The following SLC9A8 variants were observed in gnomAD, a reference collection of about 807,000 sequenced individuals.
SLC9A8 encodes solute carrier family 9 member A8.
Under a neutral mutation model 66.6 loss-of-function variants are expected in SLC9A8, and 48 were observed. The observed-to-expected ratio is 0.72, with a 90% CI of 0.57 to 0.92. SLC9A8 has a LOEUF of 0.92. Among genes scored for constraint, SLC9A8 ranks in the 40% least tolerant of loss-of-function variants. The probability of loss-of-function intolerance (pLI) is 0.00; values close to 1 mark genes in which losing one functional copy is unlikely to be tolerated. For missense variants in SLC9A8, 599 were observed against 747.3 expected, an observed-to-expected ratio of 0.80 and a Z score of 2.31; for synonymous variants, 274 against 282.6, an observed-to-expected ratio of 0.97 and a Z score of 0.31.
At chr20:49,819,966 C>T (rs2146453043) in intron 2 of SLC9A8, among the ~76,000 whole-genome samples, 2 of 152,196 alleles carry the variant, frequency 1.3e-5, no homozygotes, top group African/African-American at 4.8e-5. Context: ...TTGTTTCTAC[C>T]TTTTGGCTGT....
At chr20:49,861,341 C>T (rs540605104) in intron 8 of SLC9A8, among the ~76,000 whole-genome samples, 2 of 152,196 alleles carry the variant, frequency 1.3e-5, no homozygotes, top group African/African-American at 2.4e-5. Flanking sequence ...CCCAGGAGTT[C>T]GAGACCAGCC....
chr20:49,824,316 T>G (rs4809758), intron 3 of SLC9A8, among the ~76,000 whole-genome samples: 65,700 of 152,134 alleles, frequency 0.43, 15,084 homozygotes, highest in African/African-American at 0.58. Flanking sequence ...TCTTGGTAGA[T>G]TCTAACAACC....
At chr20:49,855,891 A>G (rs1388233100) in intron 8 of SLC9A8, among the ~76,000 whole-genome samples, 2 of 152,094 alleles carry the variant, frequency 1.3e-5, no homozygotes, top group East Asian at 1.9e-4. Context: ...CCTGGGTTCA[A>G]CTGATCTCCC....
rs1397111370 is a variant in SLC9A8 at position 49,812,881 on chromosome 20, G to A, written c.-42G>A. On this transcript the variant is annotated 5_prime_UTR_variant, in exon 1 of 16. Coordinates refer to ENST00000361573, the MANE Select transcript of SLC9A8 (RefSeq NM_015266.3). ...CCGGAAGCAAAAGCGGGTCCTGCTA[G>A]CCCCGCGGCTCCGAACTCGGTGGTC... 2.0e-5 allele frequency: 30 copies of A among 1,496,104 alleles called. No individual in the cohort carries two copies. The East Asian group carries it at 8.1e-4, about 40-fold the overall frequency. 92.7% of individuals were successfully genotyped at this position (1,496,104 alleles called of 1,614,324 possible). A position where few individuals can be genotyped will look rare whatever the true frequency, so the allele number is the denominator to read the frequency against.
intron 10 of SLC9A8, among the ~76,000 whole-genome samples, chr20:49,874,057 C>A (rs1288410657): frequency 6.6e-6 from 1 of 152,120 alleles, no homozygotes; most frequent in African/African-American, 2.4e-5. Context: ...TGAGACCAGC[C>A]TGGCCAACAT....
intron 14 of SLC9A8, among the ~76,000 whole-genome samples, chr20:49,884,336 ACCCCCCGGT>A (rs2089809720): frequency 9.2e-6 from 1 of 108,476 alleles, no homozygotes; most frequent in Non-Finnish European, 1.9e-5. Context: ...ACACACACAC[ACCCCCCGGT>A]CATCCCCCCT....
At chr20:49,831,421 CTCTCTCTCTCTG>C (rs2087188282) in intron 3 of SLC9A8, among the ~76,000 whole-genome samples, 2 of 150,804 alleles carry the variant, frequency 1.3e-5, no homozygotes, top group Admixed American at 1.3e-4. Flanking sequence ...CTCTCTCTCT[CTCTCTCTCTCTG>C]TCTCTCTCTC....
chr20:49,861,478 G>C (rs1223549769), intron 8 of SLC9A8, among the ~76,000 whole-genome samples: 5 of 152,160 alleles, frequency 3.3e-5, no homozygotes, highest in African/African-American at 9.7e-5. Flanking sequence ...GGGAAGCAGA[G>C]GTTGCAGTGA....
intron 2 of SLC9A8, among the ~76,000 whole-genome samples, chr20:49,821,575 GGTGACCA>G (rs1350415625): frequency 6.6e-6 from 1 of 151,994 alleles, no homozygotes; most frequent in Non-Finnish European, 1.5e-5. Context: ...AGCCTCTGAG[GGTGACCA>G]GTTAACAGGC....
intron 8 of SLC9A8, among the ~76,000 whole-genome samples, chr20:49,856,838 A>T (rs540082374): frequency 3.8e-4 from 58 of 151,542 alleles, no homozygotes; most frequent in East Asian, 1.2e-3. Flanking sequence ...AAAAAAAAAA[A>T]TTTTAGCTGG....
At chr20:49,869,975 A>G (rs925309947) in intron 10 of SLC9A8, among the ~76,000 whole-genome samples, 2 of 152,194 alleles carry the variant, frequency 1.3e-5, no homozygotes, top group East Asian at 1.9e-4. Context: ...AAGGAACTAT[A>G]TGTTCATCAG....
chr20:49,819,979 T>C (rs1378719941), intron 2 of SLC9A8, among the ~76,000 whole-genome samples: 2 of 152,216 alleles, frequency 1.3e-5, no homozygotes, highest in Non-Finnish European at 2.9e-5. Flanking sequence ...TTGGCTGTTG[T>C]GAATACTGCT....
chr20:49,855,297 A>C (rs1435902117), intron 7 of SLC9A8, 141 bp from the exon 8 acceptor site: 7 of 884,676 alleles, frequency 7.9e-6, no homozygotes, highest in Non-Finnish European at 1.2e-5. Flanking sequence ...AGTGGGGAAA[A>C]AATACGCTAC....
In SLC9A8 at chr20:49,883,909, G is replaced by A. The variant is rs761715853; in HGVS notation, c.1334G>A (p.Arg445Gln). The change falls in exon 14 of 16, where the codon CGG (arginine) becomes CAG (glutamine). Residue 445 changes from arginine to glutamine, a missense_variant. By Grantham distance (43) the Arg-to-Gln change is conservative. Transcript: ENST00000361573. The part of the protein sequence containing the change: ...LHLDLEPMEK[R>Q]QLIGTTTIVI... ...CTGGACCTGGAGCCCATGGAGAAGC[G>A]GCAGCTCATCGGCACCACCACCATC... The A allele has an allele frequency of 5.6e-6, 9 of 1,611,120 alleles. No homozygotes were observed. Among genetic ancestry groups the A allele is most frequent in the South Asian group, 1.1e-5 (1 of 91,078 alleles).
At chr20:49,859,131 C>T (rs1472086124) in intron 8 of SLC9A8, among the ~76,000 whole-genome samples, 2 of 152,164 alleles carry the variant, frequency 1.3e-5, no homozygotes, top group Non-Finnish European at 2.9e-5. Flanking sequence ...CAGCCTCTTC[C>T]TCTACCAGCA....
At chr20:49,867,139 C>T (rs922309231) in intron 10 of SLC9A8, among the ~76,000 whole-genome samples, 2 of 152,128 alleles carry the variant, frequency 1.3e-5, no homozygotes, top group African/African-American at 4.8e-5. Flanking sequence ...CATTTTCTTG[C>T]TCTTTGCTTG....
chr20:49,835,023 G>T (rs920448575), intron 3 of SLC9A8, among the ~76,000 whole-genome samples: 1 of 152,174 alleles, frequency 6.6e-6, no homozygotes, highest in African/African-American at 2.4e-5. Context: ...GTTAACATCT[G>T]ATGATTATCC....
At chr20:49,866,215 T>C (rs1363358185) in intron 10 of SLC9A8, among the ~76,000 whole-genome samples, 2 of 152,214 alleles carry the variant, frequency 1.3e-5, no homozygotes, top group Non-Finnish European at 2.9e-5. Flanking sequence ...GTCTCCTCTC[T>C]TTCAGTTACG....
intron 2 of SLC9A8, among the ~76,000 whole-genome samples, chr20:49,820,556 G>GTT (rs140538112): frequency 6.6e-6 from 1 of 151,232 alleles, no homozygotes; most frequent in East Asian, 1.9e-4. Flanking sequence ...GTTTTGTTTT[G>GTT]TTTTTTTTGA....
Sources: gnomAD v4.1 joint callset for allele counts (sites outside exome capture counted in the v4.1 genomes callset) on GRCh38, gnomAD v4.1.1 for gene constraint, MANE v1.5 for transcripts, NCBI Gene and HGNC (gene_info 2026-07-23, HGNC 2026-07-21) for gene names.